ARHGAP32: variants seen among roughly 807,000 people sequenced by gnomAD.
ARHGAP32 encodes the protein Rho GTPase activating protein 32, also known as rho GTPase-activating protein 32.
In ARHGAP32, 51 loss-of-function variants were observed where a neutral mutation model predicts 186.5. The ratio of observed to expected loss-of-function variants is 0.27; its 90% CI spans 0.22 to 0.35. ARHGAP32 has a LOEUF of 0.35. Ranked by LOEUF, ARHGAP32 falls within the 10% of genes least tolerant of loss-of-function variation. The probability of loss-of-function intolerance (pLI) is 1.00; values close to 1 mark genes in which losing one functional copy is unlikely to be tolerated. For missense variants in ARHGAP32, 2,186 were observed against 2,623.5 expected (o/e 0.83, Z 3.64); for synonymous variants, 950 against 964.3 (o/e 0.99, Z 0.27).
intron 1 of ARHGAP32, among the ~76,000 whole-genome samples, chr11:129,263,532 AC>A (rs1344868707): frequency 1.7e-5 from 2 of 120,334 alleles, no homozygotes; most frequent in East Asian, 2.6e-4. Context: ...ATATCACCTT[AC>A]CCATTAAAAT....
chr11:129,068,476 T>G (rs1940767292), intron 6 of ARHGAP32, among the ~76,000 whole-genome samples: 1 of 152,100 alleles, frequency 6.6e-6, no homozygotes, highest in Non-Finnish European at 1.5e-5. Flanking sequence ...AAGCATCATT[T>G]TATTTCAAAT....
intron 2 of ARHGAP32, among the ~76,000 whole-genome samples, chr11:129,141,586 C>T (rs902035234): frequency 4.1e-5 from 6 of 146,394 alleles, no homozygotes; most frequent in Admixed American, 1.4e-4. Flanking sequence ...CAAACCTGCA[C>T]GTTGTGCACA....
chr11:129,019,896 A>C (rs1162675684), intron 11 of ARHGAP32, among the ~76,000 whole-genome samples: 1 of 152,116 alleles, frequency 6.6e-6, no homozygotes, highest in Non-Finnish European at 1.5e-5. Flanking sequence ...CCAGACCAAG[A>C]ATGTGGAGAG....
intron 2 of ARHGAP32, among the ~76,000 whole-genome samples, chr11:129,155,112 T>C (rs933207116): frequency 1.3e-5 from 2 of 152,234 alleles, no homozygotes; most frequent in Non-Finnish European, 1.5e-5. Context: ...TCATTTGTTA[T>C]GTATTATTTC....
At chr11:129,049,611 T>C (rs922174986) in intron 10 of ARHGAP32, among the ~76,000 whole-genome samples, 1 of 152,232 alleles carries the variant, frequency 6.6e-6, no homozygotes, top group African/African-American at 2.4e-5. Context: ...TTTTCTATAA[T>C]TTTACATAAA....
chr11:129,277,616 G>A (rs552695114), intron 1 of ARHGAP32, among the ~76,000 whole-genome samples: 31 of 152,256 alleles, frequency 2.0e-4, no homozygotes, highest in Admixed American at 1.1e-3. Flanking sequence ...CTTTATACAC[G>A]GACTGCTATA....
rs1940536488 is a variant in ARHGAP32 at position 129,062,366 on chromosome 11, A to T, written c.886-9T>A. On this transcript the variant is annotated splice_polypyrimidine_tract_variant and intron_variant, in intron 9 of 22. Coordinates refer to ENST00000682385, the MANE Select transcript of ARHGAP32 (RefSeq NM_001378024.1). ...GAAACAATGTCTCCCACCTAGGAGA[A>T]TCAAAATTTTAAGCAAAATGGTTTT... is the stretch of plus-strand genomic sequence containing the variant. 4 of 1,609,534 alleles carry T rather than the reference A, an allele frequency of 2.5e-6. No homozygotes were observed. The African/African-American group carries it at 4.0e-5, about 16-fold the overall frequency.
chr11:129,279,206 T>C (rs1037409267), exon 1 of ARHGAP32: 1 of 138,954 alleles, frequency 7.2e-6, no homozygotes, highest in East Asian at 2.2e-4. Flanking sequence ...CCGCTCCGTG[T>C]CTGCCCTCCG....
chr11:129,129,229 G>A (rs1352817451), intron 2 of ARHGAP32, among the ~76,000 whole-genome samples: 10 of 140,366 alleles, frequency 7.1e-5, no homozygotes, highest in South Asian at 2.3e-4. Flanking sequence ...CCCTCCACCC[G>A]GCAGCTGCCC....
At chr11:129,276,093 A>G (rs1326792489) in intron 1 of ARHGAP32, among the ~76,000 whole-genome samples, 1 of 152,232 alleles carries the variant, frequency 6.6e-6, no homozygotes, top group African/African-American at 2.4e-5. Flanking sequence ...CCTGTGCAAC[A>G]TAGCATGACC....
chr11:128,991,585 T>C (rs551098356), intron 12 of ARHGAP32, among the ~76,000 whole-genome samples: 1 of 152,148 alleles, frequency 6.6e-6, no homozygotes, highest in South Asian at 2.1e-4. Flanking sequence ...CCCCAAACCA[T>C]CTAACAAACC....
intron 1 of ARHGAP32, among the ~76,000 whole-genome samples, chr11:129,251,925 C>A (rs1945191160): frequency 9.3e-6 from 1 of 108,016 alleles, no homozygotes; most frequent in South Asian, 4.2e-4. Flanking sequence ...CAGAGCTAGA[C>A]TTCATCTCAA....
intron 1 of ARHGAP32, among the ~76,000 whole-genome samples, chr11:129,201,745 C>G (rs1007566937): frequency 2.6e-5 from 4 of 152,040 alleles, no homozygotes; most frequent in African/African-American, 4.8e-5. Context: ...CTTTGGGAGG[C>G]CAAGGCAGGA....
intron 1 of ARHGAP32, among the ~76,000 whole-genome samples, chr11:129,250,343 T>A (rs1195693972): frequency 6.6e-6 from 1 of 152,248 alleles, no homozygotes; most frequent in Non-Finnish European, 1.5e-5. Flanking sequence ...CTATTTTCCC[T>A]AATTATCTTA....
At chr11:129,118,396 T>G (rs975899463) in intron 5 of ARHGAP32, among the ~76,000 whole-genome samples, 1 of 151,964 alleles carries the variant, frequency 6.6e-6, no homozygotes, top group Non-Finnish European at 1.5e-5. Context: ...TAGAAATTAA[T>G]GGTATGAAAA....
chr11:129,193,814 A>G (rs2135563275), upstream of ARHGAP32, among the ~76,000 whole-genome samples: 1 of 137,270 alleles, frequency 7.3e-6, no homozygotes, highest in East Asian at 2.0e-4. Context: ...AAAACAACAG[A>G]ACAACATTAT....
At chr11:129,245,947 A>C (rs1945090918) in intron 1 of ARHGAP32, among the ~76,000 whole-genome samples, 1 of 152,180 alleles carries the variant, frequency 6.6e-6, no homozygotes, top group Non-Finnish European at 1.5e-5. Flanking sequence ...ATAAAAGGAA[A>C]TCACTTAACC....
intron 6 of ARHGAP32, among the ~76,000 whole-genome samples, chr11:129,074,971 C>T (rs566113077): frequency 9.9e-5 from 15 of 152,072 alleles, no homozygotes; most frequent in Admixed American, 7.2e-4. Context: ...CATCGCACAA[C>T]GCATACACAT....
At chr11:129,213,046 A>G (rs752410177) in intron 1 of ARHGAP32, among the ~76,000 whole-genome samples, 10 of 152,138 alleles carry the variant, frequency 6.6e-5, no homozygotes, top group Non-Finnish European at 1.5e-4. Context: ...ATACTTTATT[A>G]TTCTCCAAAC....
Sources: gnomAD v4.1 joint callset for allele counts (sites outside exome capture counted in the v4.1 genomes callset) on GRCh38, gnomAD v4.1.1 for gene constraint, MANE v1.5 for transcripts, NCBI Gene and HGNC (gene_info 2026-07-23, HGNC 2026-07-21) for gene names.